CFB: variants seen among roughly 807,000 people sequenced by gnomAD.
CFB encodes complement factor B.
CFB carries 59 observed loss-of-function variants against 97.2 expected under a neutral mutation model. The observed-to-expected ratio is 0.61, with a 90% confidence interval of 0.49 to 0.75. The LOEUF is 0.75. Ranked by LOEUF, CFB falls within the 30% of genes least tolerant of loss-of-function variation. The probability of loss-of-function intolerance (pLI) is 0.00; values close to 1 mark genes in which losing one functional copy is unlikely to be tolerated. For missense variants in CFB, 771 were observed against 959.8 expected, an observed-to-expected ratio of 0.80 and a Z score of 2.60; for synonymous variants, 316 against 351.7, an observed-to-expected ratio of 0.90 and a Z score of 1.14.
At position 31,951,249 on chromosome 6, in the gene CFB, G is replaced by A; in HGVS notation, c.1956+5G>A. 1 of 1,613,242 alleles carries A rather than the reference G, an allele frequency of 6.2e-7. No homozygotes were observed. The highest frequency in any genetic ancestry group is 8.5e-7 in the Non-Finnish European group (1 of 1,180,008). ...TACATCAAGAATGGGGATAAGGTGA[G>A]AAACGGGCATCCTAAGGAGGCACTC... is the stretch of plus-strand genomic sequence containing the variant. On this transcript the variant is annotated splice_donor_5th_base_variant and intron_variant, in intron 15 of 17. Transcript: ENST00000425368. This position sits in a 1 kb window ranked among gnomAD's most constrained non-coding sequence, Gnocchi z 4.3.
Position 31,946,977 on chromosome 6 carries a change from A to T in CFB, c.299-30A>T. 1 of 1,612,274 alleles carries T rather than the reference A, an allele frequency of 6.2e-7. No individual in the cohort carries two copies. The highest frequency in any genetic ancestry group is 2.2e-5 in the East Asian group (1 of 44,848). On this transcript the variant is annotated intron_variant, in intron 2 of 17. Coordinates refer to ENST00000425368, the MANE Select transcript of CFB (RefSeq NM_001710.6). The surrounding 1 kb of genome is among the most constrained non-coding windows in gnomAD (Gnocchi z 6.4). ...CACCTAAGGCAGCCTTTCCCTCTTGATGACTTCTACTTGTCCCCCCTTCTC... is the reference window on the plus strand; with the variant it reads ...CACCTAAGGCAGCCTTTCCCTCTTGTTGACTTCTACTTGTCCCCCCTTCTC...
chr6:31,946,875 G>A lies in CFB; in HGVS notation c.299-132G>A. The A allele has an allele frequency of 1.1e-6, 1 of 930,356 alleles. No homozygotes were observed. Among genetic ancestry groups the A allele is most frequent in the Non-Finnish European group, 1.7e-6 (1 of 583,576 alleles). 57.6% of individuals were successfully genotyped at this position (930,356 alleles called of 1,614,324 possible). On this transcript the variant is annotated intron_variant, in intron 2 of 17. Transcript: ENST00000425368. This position sits in a 1 kb window ranked among gnomAD's most constrained non-coding sequence, Gnocchi z 6.4. The stretch of plus-strand genomic sequence containing the variant: ...AGTGGAAATCCATATGGGTTGAGGA[G>A]TAGGTAAGATGCTGCTTCTGCGGGA...
Position 31,948,369 on chromosome 6 carries a change from C to T in CFB, c.898-5C>T, listed in dbSNP as rs1053650423. On this transcript the variant is annotated splice_polypyrimidine_tract_variant and splice_region_variant and intron_variant, in intron 6 of 17. Coordinates refer to ENST00000425368, the MANE Select transcript of CFB (RefSeq NM_001710.6). ...GCCATGGCGCCTTGTTCTCCTCACCCACAGGTGGCAAGTTATGGTGTGAAG... is the reference window on the plus strand; with the variant it reads ...GCCATGGCGCCTTGTTCTCCTCACCTACAGGTGGCAAGTTATGGTGTGAAG... The T allele has an allele frequency of 2.5e-6, 4 of 1,614,202 alleles. No individual in the cohort carries two copies. The highest frequency in any genetic ancestry group is 1.1e-5 in the South Asian group (1 of 91,078).
chr6:31,950,881 C>T lies in CFB; in HGVS notation c.1792C>T (p.Pro598Ser). The part of the protein sequence containing the change: ...YGQTIRPICL[P>S]CTEGTTRALR... Reference sequence around the variant, plus strand: ...TGTCCTTTATAGGCCCATTTGTCTCCCCTGCACCGAGGGAACAACTCGAGC... The same window carrying T: ...TGTCCTTTATAGGCCCATTTGTCTCTCCTGCACCGAGGGAACAACTCGAGC... The change falls in exon 14 of 18, where the codon CCC becomes TCC. Residue 598 changes from proline to serine, a missense_variant. Pro to Ser is a moderately conservative substitution (Grantham distance 74). Transcript: ENST00000425368. 2 of 1,613,014 alleles carry T rather than the reference C, an allele frequency of 1.2e-6. No homozygotes were observed. The highest frequency in any genetic ancestry group is 1.7e-6 in the Non-Finnish European group (2 of 1,180,038).
Position 31,951,975 on chromosome 6 carries a change from A to G in CFB, c.2240A>G (p.Gln747Arg), listed in dbSNP as rs1214795014. ...HARDFHINLFQVLPWLKEKLQ... is the reference protein window; with the variant it reads ...HARDFHINLFRVLPWLKEKLQ... ...CGAGACTTTCACATCAACCTCTTTC[A>G]AGTGCTGCCCTGGCTGAAGGAGAAA... The change falls in exon 18 of 18, where the codon CAA becomes CGA. Residue 747 changes from glutamine (Q) to arginine (R), a missense_variant. Gln to Arg is a conservative substitution (Grantham distance 43). Coordinates refer to ENST00000425368, the MANE Select transcript of CFB (RefSeq NM_001710.6). The surrounding 1 kb of genome is among the most constrained non-coding windows in gnomAD (Gnocchi z 4.3). 1 of 1,613,064 alleles carries G rather than the reference A, an allele frequency of 6.2e-7. No individual in the cohort carries two copies. The highest frequency in any genetic ancestry group is 1.3e-5 in the African/African-American group (1 of 75,048).
At position 31,949,334 on chromosome 6, in the gene CFB, G is replaced by T. The variant is rs757178734; in HGVS notation, c.1260G>T (p.Glu420Asp). 1.2e-6 allele frequency: 2 copies of T among 1,614,062 alleles called. No individual in the cohort carries two copies. Among genetic ancestry groups the T allele is most frequent in the Non-Finnish European group, 1.7e-6 (2 of 1,180,036 alleles). The change falls in exon 9 of 18, where the codon GAG becomes GAT. Residue 420 changes from glutamate (E) to aspartate (D), a missense_variant. Glu to Asp is a conservative substitution (Grantham distance 45). Transcript: ENST00000425368. ...GCAAGGATCGCAAAAACCCAAGGGA[G>T]GATTATCTGGGTGAGTAACCTGCCT... The part of the protein sequence containing the change: ...YIGKDRKNPR[E>D]DYLDVYVFGV...
chr6:31,950,019 G>T, intron 10 of CFB, 31 bp from the exon 11 acceptor site: 1 of 1,608,518 alleles, frequency 6.2e-7, no homozygotes, highest in Non-Finnish European at 8.5e-7. Flanking sequence ...GAAGTGTTCC[G>T]AGTTTTCAGC....
At chr6:31,949,690 C>T in intron 10 of CFB, 133 bp downstream of exon 10, 1 of 1,116,072 alleles carries the variant, frequency 9.0e-7, no homozygotes, top group South Asian at 1.3e-5. Flanking sequence ...CTCAGTGTCA[C>T]TATTCTTGTT....
intron 8 of CFB, 52 bp from the exon 9 acceptor site, chr6:31,949,191 A>G: frequency 1.3e-6 from 2 of 1,586,790 alleles, no homozygotes; most frequent in Admixed American, 1.7e-5. Context: ...CCCTGCCTTT[A>G]GCCAGTTTAT....
In CFB at chr6:31,947,948, A is replaced by G; in HGVS notation, c.764A>G (p.Glu255Gly). 6.8e-6 allele frequency: 11 copies of G among 1,614,214 alleles called. No homozygotes were observed. Among genetic ancestry groups the G allele is most frequent in the Non-Finnish European group, 9.3e-6 (11 of 1,180,038 alleles). The change falls in exon 6 of 18, where the codon GAA (glutamate) becomes GGA (glycine). Residue 255 changes from glutamate to glycine, a missense_variant. Physicochemically the swap from Glu to Gly is moderately conservative, Grantham distance 98. Transcript: ENST00000425368. The surrounding 1 kb of genome is among the most constrained non-coding windows in gnomAD (Gnocchi z 5.3). Reference sequence around the variant, plus strand: ...GAGCCACTCTCCTGGCACCCAGGGGAACAACAGAAGCGGAAGATCGTCCTG... The same window carrying G: ...GAGCCACTCTCCTGGCACCCAGGGGGACAACAGAAGCGGAAGATCGTCCTG... ...VDAEDGHGPG[E>G]QQKRKIVLDP... is the part of the protein sequence containing the mutation.
Position 31,947,121 on chromosome 6 carries a change from G to A in CFB, c.413G>A (p.Arg138Gln), listed in dbSNP as rs185367862. 2.5e-6 allele frequency: 4 copies of A among 1,612,970 alleles called. No individual in the cohort carries two copies. Among genetic ancestry groups the A allele is most frequent in the Admixed American group, 1.7e-5 (1 of 60,020 alleles). ...SFHCYDGYTLRGSANRTCQVN... is the reference protein window; with the variant it reads ...SFHCYDGYTLQGSANRTCQVN... Reference sequence around the variant, plus strand: ...CACTGCTATGACGGTTACACTCTCCGGGGCTCTGCCAATCGCACCTGCCAA... The same window carrying A: ...CACTGCTATGACGGTTACACTCTCCAGGGCTCTGCCAATCGCACCTGCCAA... Residue 138 changes from arginine (R) to glutamine (Q), a missense_variant, in exon 3 of 18, where the codon CGG (arginine) becomes CAG (glutamine). Physicochemically the swap from Arg to Gln is conservative, Grantham distance 43. Coordinates refer to ENST00000425368, the MANE Select transcript of CFB (RefSeq NM_001710.6). This position sits in a 1 kb window ranked among gnomAD's most constrained non-coding sequence, Gnocchi z 5.3.
Position 31,947,950 on chromosome 6 carries a change from C to T in CFB, c.766C>T (p.Gln256Ter), listed in dbSNP as rs398123065. 2.6e-5 allele frequency: 42 copies of T among 1,614,096 alleles called. No homozygotes were observed. Among genetic ancestry groups the T allele is most frequent in the Non-Finnish European group, 3.4e-5 (40 of 1,180,062 alleles). ...GCCACTCTCCTGGCACCCAGGGGAA[C>T]AACAGAAGCGGAAGATCGTCCTGGA... is the stretch of plus-strand genomic sequence containing the variant. ...DAEDGHGPGE[Q>*]QKRKIVLDPS... The change falls in exon 6 of 18, where the codon CAA becomes TAA. Residue 256 changes from glutamine to a stop codon, truncating the protein, a stop_gained. Transcript: ENST00000425368. LOFTEE classifies it high-confidence loss of function. The surrounding 1 kb of genome is among the most constrained non-coding windows in gnomAD (Gnocchi z 5.3).
At chr6:31,949,744 C>T in intron 10 of CFB, 187 bp downstream of exon 10, 2 of 784,306 alleles carry the variant, frequency 2.6e-6, no homozygotes, top group Non-Finnish European at 4.1e-6. Context: ...GAGCTCTGAG[C>T]ACTTCAGAGA....
Position 31,949,265 on chromosome 6 carries a change from C to T in CFB, c.1191C>T (p.Asp397=). 6.2e-7 allele frequency: 1 copy of T among 1,614,136 alleles called. No individual in the cohort carries two copies. The highest frequency in any genetic ancestry group is 8.5e-7 in the Non-Finnish European group (1 of 1,180,038). The change falls in exon 9 of 18, where the codon GAC becomes GAT. Residue 397 remains aspartate (D), a synonymous_variant. Coordinates refer to ENST00000425368, the MANE Select transcript of CFB (RefSeq NM_001710.6). The part of the protein sequence containing the change: ...MTDGLHNMGG[D]PITVIDEIRD... Reference sequence around the variant, plus strand: ...CAGGATTGCACAACATGGGCGGGGACCCAATTACTGTCATTGATGAGATCC... The same window carrying T: ...CAGGATTGCACAACATGGGCGGGGATCCAATTACTGTCATTGATGAGATCC...
Position 31,950,694 on chromosome 6 carries a change from C to G in CFB, c.1700C>G (p.Ala567Gly), listed in dbSNP as rs1292196044. ...PNYNINGKKE[A>G]GIPEFYDYDV... ...TACAACATTAATGGGAAAAAAGAAG[C>G]AGGAATTCCTGAATTTTATGACTAT... Residue 567 changes from alanine (A) to glycine (G), a missense_variant, in exon 13 of 18, where the codon GCA becomes GGA. Coordinates refer to ENST00000425368, the MANE Select transcript of CFB (RefSeq NM_001710.6). 6.2e-7 allele frequency: 1 copy of G among 1,613,078 alleles called. No individual in the cohort carries two copies. Among genetic ancestry groups the G allele is most frequent in the Admixed American group, 1.7e-5 (1 of 60,018 alleles).
chr6:31,950,697 G>C lies in CFB; in HGVS notation c.1703G>C (p.Gly568Ala). The part of the protein sequence containing the change: ...NYNINGKKEA[G>A]IPEFYDYDVA... The stretch of plus-strand genomic sequence containing the variant: ...AACATTAATGGGAAAAAAGAAGCAG[G>C]AATTCCTGAATTTTATGACTATGAC... Residue 568 changes from glycine to alanine, a missense_variant, in exon 13 of 18, where the codon GGA (glycine) becomes GCA (alanine). Coordinates refer to ENST00000425368, the MANE Select transcript of CFB (RefSeq NM_001710.6). 1 of 1,613,032 alleles carries C rather than the reference G, an allele frequency of 6.2e-7. No individual in the cohort carries two copies. The highest frequency in any genetic ancestry group is 8.5e-7 in the Non-Finnish European group (1 of 1,180,032).
Position 31,951,907 on chromosome 6 carries a change from C to G in CFB, c.2172C>G (p.Val724=), listed in dbSNP as rs768442195. The stretch of plus-strand genomic sequence containing the variant: ...TAATCAGCTGGGGAGTAGTGGATGT[C>G]TGCAAAAACCAGAAGCGGCAAAAGC... ...VGVISWGVVD[V]CKNQKRQKQV... is the part of the protein sequence containing the mutation. Residue 724 remains valine, a synonymous_variant, in exon 18 of 18, where the codon GTC becomes GTG. Transcript: ENST00000425368. This position sits in a 1 kb window ranked among gnomAD's most constrained non-coding sequence, Gnocchi z 4.3. The G allele has an allele frequency of 1.2e-6, 2 of 1,613,154 alleles. No homozygotes were observed. Among genetic ancestry groups the G allele is most frequent in the East Asian group, 2.2e-5 (1 of 44,890 alleles).
Position 31,946,322 on chromosome 6 carries a change from G to C in CFB, c.64+37G>C. 1.9e-6 allele frequency: 3 copies of C among 1,612,966 alleles called. No homozygotes were observed. The highest frequency in any genetic ancestry group is 2.5e-6 in the Non-Finnish European group (3 of 1,179,942). ...TAACCTTCCCTTCCTGCTGTCTCCAGCATCCCTCCTTGGCCTTTTGGGGCC... is the reference window on the plus strand; with the variant it reads ...TAACCTTCCCTTCCTGCTGTCTCCACCATCCCTCCTTGGCCTTTTGGGGCC... On this transcript the variant is annotated intron_variant, in intron 1 of 17. Coordinates refer to ENST00000425368, the MANE Select transcript of CFB (RefSeq NM_001710.6). The surrounding 1 kb of genome is among the most constrained non-coding windows in gnomAD (Gnocchi z 6.4).
rs907372003 is a variant in CFB, at chr6:31,951,017, A to G, written c.1855+73A>G. 2 of 1,582,214 alleles carry G rather than the reference A, an allele frequency of 1.3e-6. No individual in the cohort carries two copies. Among genetic ancestry groups the G allele is most frequent in the Non-Finnish European group, 1.7e-6 (2 of 1,153,376 alleles). On this transcript the variant is annotated intron_variant, in intron 14 of 17. Transcript: ENST00000425368. This position sits in a 1 kb window ranked among gnomAD's most constrained non-coding sequence, Gnocchi z 4.3. ...GTGGGGCATGAGAGGGAGGTGCAAT[A>G]GGAAGAGATGATGCCTGGCCCAGAA...
Sources: allele counts gnomAD v4.1 joint callset, GRCh38; gene constraint gnomAD v4.1.1; non-coding constraint Gnocchi (gnomAD v3.1); transcripts MANE v1.5; gene names NCBI Gene and HGNC (gene_info 2026-07-23, HGNC 2026-07-21).